Variants in DTNA observed in about 807,000 individuals in gnomAD.
DTNA encodes dystrophin-related protein 3.
A neutral mutation model predicts 100.7 loss-of-function variants in DTNA; 43 were observed. That is an observed-to-expected ratio of 0.43 (90% CI 0.33 to 0.55). The LOEUF is 0.55. Ranked by LOEUF, DTNA falls within the 20% of genes least tolerant of loss-of-function variation. The pLI is 0.04. For missense variants in DTNA, 798 were observed against 953.9 expected (o/e 0.84, Z 2.15); for synonymous variants, 349 against 347.9 (o/e 1.00, Z -0.04).
chr18:34,587,478 A>G (rs1484402647), intron 1 of DTNA, among the ~76,000 whole-genome samples: 1 of 151,158 alleles, frequency 6.6e-6, no homozygotes, highest in Non-Finnish European at 1.5e-5. Context: ...AATAATTAAA[A>G]TCTGCTTTGA....
At chr18:34,751,255 A>G (rs139845592) in intron 1 of DTNA, among the ~76,000 whole-genome samples, 3 of 152,340 alleles carry the variant, frequency 2.0e-5, no homozygotes, top group East Asian at 1.9e-4. Flanking sequence ...TCTTAAATCA[A>G]TGCTTTAATG....
At chr18:34,512,398 G>T (rs182496651) in intron 1 of DTNA, among the ~76,000 whole-genome samples, 1 of 152,070 alleles carries the variant, frequency 6.6e-6, no homozygotes, top group East Asian at 1.9e-4. Context: ...CAGTCTGCTA[G>T]GAACTATCAG....
chr18:34,507,229 A>T (rs1339043992), intron 1 of DTNA, among the ~76,000 whole-genome samples: 1 of 152,092 alleles, frequency 6.6e-6, no homozygotes, highest in Non-Finnish European at 1.5e-5. Flanking sequence ...TTCTGGTGGG[A>T]TGCTGGAACC....
chr18:34,546,617 A>C (rs1394278772), intron 1 of DTNA, among the ~76,000 whole-genome samples: 3 of 152,096 alleles, frequency 2.0e-5, no homozygotes, highest in African/African-American at 4.8e-5. Context: ...CACAAACACC[A>C]AGTCATCAAC....
chr18:34,603,570 G>A (rs954976153), intron 1 of DTNA, among the ~76,000 whole-genome samples: 1 of 151,890 alleles, frequency 6.6e-6, no homozygotes, highest in Admixed American at 6.6e-5. Context: ...AACACCAACA[G>A]AAATCAAACT....
intron 1 of DTNA, among the ~76,000 whole-genome samples, chr18:34,625,845 T>G (rs149532337): frequency 1.1e-4 from 16 of 152,048 alleles, no homozygotes; most frequent in East Asian, 7.7e-4. Flanking sequence ...ATGAAAACAA[T>G]GAATGAAGGC....
intron 1 of DTNA, among the ~76,000 whole-genome samples, chr18:34,614,247 T>C (rs2054793861): frequency 1.3e-5 from 2 of 152,230 alleles, no homozygotes; most frequent in South Asian, 4.1e-4. Context: ...GTTCAAAATA[T>C]TACTTCTCAT....
chr18:34,851,391 C>G (rs1464731521), intron 14 of DTNA, among the ~76,000 whole-genome samples: 1 of 152,146 alleles, frequency 6.6e-6, no homozygotes, highest in African/African-American at 2.4e-5. Flanking sequence ...CGTGAGCCAC[C>G]ATGCCTGGCC....
At chr18:34,665,530 T>C (rs955698602) in intron 1 of DTNA, among the ~76,000 whole-genome samples, 1 of 152,094 alleles carries the variant, frequency 6.6e-6, no homozygotes, top group African/African-American at 2.4e-5. Context: ...CCATTAACTC[T>C]TCATTTAACA....
At position 34,691,445 on chromosome 18, in the gene DTNA, A is replaced by G. The variant is rs137946626; in HGVS notation, c.-1-64531A>G. 2.0e-3 allele frequency among the ~76,000 whole-genome samples: 312 copies of G among 152,350 alleles called. 2 individuals are homozygous for G. The highest frequency in any genetic ancestry group is 7.2e-3 in the African/African-American group (300 of 41,584). ...ATAAGTCTATTTTACTTCAAGGACT[A>G]GGAAACAATACCTATAAAACAAAGC... On this transcript the variant is annotated intron_variant, in intron 1 of 19. Transcript: ENST00000283365.
At chr18:34,667,544 G>T (rs1177467136) in intron 1 of DTNA, among the ~76,000 whole-genome samples, 1 of 152,156 alleles carries the variant, frequency 6.6e-6, no homozygotes. Flanking sequence ...CATTCAGTAT[G>T]ATATTGGCTG....
chr18:34,737,270 C>A (rs1478566109), intron 1 of DTNA, among the ~76,000 whole-genome samples: 1 of 152,128 alleles, frequency 6.6e-6, no homozygotes, highest in Non-Finnish European at 1.5e-5. Context: ...AAGTTCAAAT[C>A]CACAAACAAC....
intron 1 of DTNA, among the ~76,000 whole-genome samples, chr18:34,533,294 C>G (rs1268773945): frequency 1.3e-5 from 2 of 151,424 alleles, no homozygotes; most frequent in Non-Finnish European, 2.9e-5. Flanking sequence ...AACACTTGAA[C>G]CCGGGAGGCG....
intron 21 of DTNA, among the ~76,000 whole-genome samples, chr18:34,883,834 C>T (rs566224231): frequency 1.3e-5 from 2 of 152,292 alleles, no homozygotes; most frequent in East Asian, 3.9e-4. Context: ...TTTGCCTTTT[C>T]AGTTTAACGA....
chr18:34,829,380 T>TC lies in DTNA; in HGVS notation c.1086-19dup. 1 of 1,535,070 alleles carries TC rather than the reference T, an allele frequency of 6.5e-7. No homozygotes were observed. Among genetic ancestry groups the TC allele is most frequent in the Non-Finnish European group, 8.7e-7 (1 of 1,146,600 alleles). On this transcript the variant is annotated intron_variant, in intron 10 of 22. Transcript: ENST00000444659. ...GTCCATGGGAAGTTTTAATGAGGTC[T>TC]CATTGTTTGACTCCCTCAGGTTACC...
Position 34,847,426 on chromosome 18 carries a change from T to G in DTNA, c.1347-870T>G, listed in dbSNP as rs58134825. ...TAGTTACCTTATGCTGCATAACAAA[T>G]TATCCCAAAAGTTAGTAGCTTAAAA... On this transcript the variant is annotated intron_variant, in intron 13 of 22. Coordinates refer to ENST00000444659, the MANE Select transcript of DTNA (RefSeq NM_001386795.1). Among the ~76,000 whole-genome samples the G allele has an allele frequency of 3.1e-3, 468 of 152,310 alleles. 2 individuals are homozygous for G. The highest frequency in any genetic ancestry group is 1.0e-2 in the African/African-American group (415 of 41,564).
intron 1 of DTNA, among the ~76,000 whole-genome samples, chr18:34,534,618 T>C (rs1234413414): frequency 6.6e-6 from 1 of 152,006 alleles, no homozygotes; most frequent in African/African-American, 2.4e-5. Context: ...GCATTTGGTA[T>C]TTGTCCTAAT....
At chr18:34,553,702 T>A (rs2146003727) in intron 1 of DTNA, among the ~76,000 whole-genome samples, 1 of 150,938 alleles carries the variant, frequency 6.6e-6, no homozygotes, top group East Asian at 1.9e-4. Flanking sequence ...ATATGCGGCG[T>A]TATTTCTGAG....
intron 1 of DTNA, among the ~76,000 whole-genome samples, chr18:34,552,593 T>C (rs994350034): frequency 4.8e-5 from 7 of 146,638 alleles, no homozygotes; most frequent in Non-Finnish European, 9.0e-5. Flanking sequence ...GTGATCTCAT[T>C]GTTCAATTCC....
Sources: gnomAD v4.1 joint callset for allele counts (sites outside exome capture counted in the v4.1 genomes callset) on GRCh38, gnomAD v4.1.1 for gene constraint, MANE v1.5 for transcripts, NCBI Gene and HGNC (gene_info 2026-07-23, HGNC 2026-07-21) for gene names.